NTRK3: variants seen among roughly 807,000 people sequenced by gnomAD.
The protein encoded by NTRK3 is neurotrophic receptor tyrosine kinase 3.
In NTRK3, 24 loss-of-function variants were observed where a neutral mutation model predicts 91.7. That is an observed-to-expected ratio of 0.26 (90% CI 0.19 to 0.37). The LOEUF (loss-of-function observed/expected upper bound fraction) is 0.37. Among genes scored for constraint, NTRK3 ranks in the 10% least tolerant of loss-of-function variants. NTRK3 has a pLI of 1.00. For missense variants in NTRK3, 880 were observed against 1,068.9 expected, an observed-to-expected ratio of 0.82 and a Z score of 2.46; for synonymous variants, 483 against 404.0, an observed-to-expected ratio of 1.20 and a Z score of -2.34.
chr15:88,074,471 C>T (rs1211299952), intron 13 of NTRK3, among the ~76,000 whole-genome samples: 2 of 152,236 alleles, frequency 1.3e-5, no homozygotes, highest in African/African-American at 4.8e-5. Context: ...GAGAGTGCAG[C>T]TCTAGACCAC....
At chr15:88,092,837 T>C (rs1273350911) in intron 13 of NTRK3, among the ~76,000 whole-genome samples, 1 of 152,176 alleles carries the variant, frequency 6.6e-6, no homozygotes, top group Non-Finnish European at 1.5e-5. Context: ...TCTCACTGCC[T>C]TCTCTGTGCA....
intron 3 of NTRK3, among the ~76,000 whole-genome samples, chr15:88,199,771 C>T (rs969099185): frequency 1.3e-5 from 2 of 152,232 alleles, no homozygotes; most frequent in African/African-American, 4.8e-5. Flanking sequence ...GCCCTCACCC[C>T]TGCAAGCATT....
In NTRK3 at chr15:87,962,846, C is replaced by T. The variant is rs184583921; in HGVS notation, c.1586-22093G>A. Among the ~76,000 whole-genome samples the T allele has an allele frequency of 3.9e-5, 6 of 152,292 alleles. No individual in the cohort carries two copies. In the East Asian group the frequency reaches 1.2e-3, roughly 29 times the overall value. On this transcript the variant is annotated intron_variant, in intron 14 of 18. Coordinates refer to ENST00000394480, the Ensembl canonical transcript of NTRK3. Reference sequence around the variant, plus strand: ...GTCATGGCATCACGCTTGGTTAACCCTCTGCAGGACATAGAGATTAGAGGC... The same window carrying T: ...GTCATGGCATCACGCTTGGTTAACCTTCTGCAGGACATAGAGATTAGAGGC...
At chr15:88,136,185 G>T in intron 8 of NTRK3, 145 bp from the exon 9 acceptor site, 2 of 1,089,180 alleles carry the variant, frequency 1.8e-6, no homozygotes, top group Non-Finnish European at 2.7e-6. Context: ...CTGGCCAAAT[G>T]CCAGGCTCCT....
chr15:88,093,031 T>C (rs553479425), intron 13 of NTRK3, among the ~76,000 whole-genome samples: 3 of 150,364 alleles, frequency 2.0e-5, no homozygotes, highest in Non-Finnish European at 4.4e-5. Flanking sequence ...TTTTTGTTTC[T>C]GGTTTTTTTT....
chr15:88,052,231 TCAAC>T (rs2080898352), intron 13 of NTRK3, among the ~76,000 whole-genome samples: 3 of 151,664 alleles, frequency 2.0e-5, no homozygotes, highest in African/African-American at 7.3e-5. Flanking sequence ...TAGCCTGCAC[TCAAC>T]ACAGGGATCC....
At chr15:88,002,128 G>A (rs1596621377) in intron 14 of NTRK3, among the ~76,000 whole-genome samples, 1 of 138,030 alleles carries the variant, frequency 7.2e-6, no homozygotes, top group East Asian at 2.3e-4. Flanking sequence ...TTGGCCAGGT[G>A]TATTGTAAAG....
intron 5 of NTRK3, among the ~76,000 whole-genome samples, chr15:88,162,048 C>T (rs751500418): frequency 7.9e-5 from 12 of 152,182 alleles, no homozygotes; most frequent in Non-Finnish European, 1.8e-4. Flanking sequence ...CAAGTGCTCA[C>T]TCCTGTAATA....
chr15:87,953,147 C>A (rs1261091595), intron 14 of NTRK3, among the ~76,000 whole-genome samples: 1 of 152,174 alleles, frequency 6.6e-6, no homozygotes, highest in African/African-American at 2.4e-5. Flanking sequence ...GTTTTCTGGC[C>A]TGTCTCCTGA....
chr15:88,193,515 C>A (rs2047574053), intron 3 of NTRK3, among the ~76,000 whole-genome samples: 1 of 152,150 alleles, frequency 6.6e-6, no homozygotes, highest in Non-Finnish European at 1.5e-5. Flanking sequence ...TCTTTTCCAC[C>A]TTTCCTGTCC....
At chr15:87,928,433 T>G (rs2068512879) in intron 17 of NTRK3, 1 of 151,846 alleles carries the variant, frequency 6.6e-6, no homozygotes, top group Admixed American at 6.6e-5. Context: ...TCAGAATCAG[T>G]CAATAATCCA....
intron 5 of NTRK3, among the ~76,000 whole-genome samples, chr15:88,176,388 G>C (rs1346339764): frequency 1.3e-5 from 2 of 152,100 alleles, no homozygotes; most frequent in Admixed American, 6.5e-5. Flanking sequence ...ACCTGTCTCG[G>C]CCTCCCAAAG....
intron 16 of NTRK3, among the ~76,000 whole-genome samples, chr15:87,929,682 T>TAC (rs904535195): frequency 7.2e-5 from 11 of 152,224 alleles, no homozygotes; most frequent in African/African-American, 2.7e-4. Context: ...GGAATAAACC[T>TAC]ACTCTTTTTA....
intron 13 of NTRK3, among the ~76,000 whole-genome samples, chr15:88,112,859 A>T (rs569287393): frequency 1.8e-4 from 28 of 152,206 alleles, no homozygotes; most frequent in African/African-American, 6.7e-4. Context: ...AAGACCCCAC[A>T]CCACTCACAA....
chr15:87,901,017 A>C (rs1376949985), intron 17 of NTRK3, among the ~76,000 whole-genome samples: 2 of 152,096 alleles, frequency 1.3e-5, no homozygotes, highest in African/African-American at 4.8e-5. Flanking sequence ...CTACTCTACA[A>C]CTGGGTCCTG....
intron 5 of NTRK3, among the ~76,000 whole-genome samples, chr15:88,159,294 G>A (rs866651689): frequency 6.6e-6 from 1 of 152,216 alleles, no homozygotes; most frequent in Non-Finnish European, 1.5e-5. Flanking sequence ...TTAGGCCAAC[G>A]CTGCATCCAA....
At chr15:88,179,649 AAG>A (rs2046293705) in intron 5 of NTRK3, among the ~76,000 whole-genome samples, 1 of 152,238 alleles carries the variant, frequency 6.6e-6, no homozygotes, top group African/African-American at 2.4e-5. Context: ...CATAAAGGGA[AAG>A]AGGGGCCAGC....
intron 14 of NTRK3, among the ~76,000 whole-genome samples, chr15:88,021,895 C>T (rs1392226109): frequency 6.6e-6 from 1 of 152,162 alleles, no homozygotes; most frequent in Non-Finnish European, 1.5e-5. Context: ...TAGAGACCAC[C>T]ATCAACTACC....
chr15:88,199,374 G>C (rs2048098791), intron 3 of NTRK3, among the ~76,000 whole-genome samples: 2 of 152,164 alleles, frequency 1.3e-5, no homozygotes, highest in African/African-American at 4.8e-5. Flanking sequence ...CCTTGGGGCA[G>C]GGACTATGTC....
Sources: gnomAD v4.1 joint callset for allele counts (sites outside exome capture counted in the v4.1 genomes callset) on GRCh38, gnomAD v4.1.1 for gene constraint, MANE v1.5 for transcripts, NCBI Gene and HGNC (gene_info 2026-07-23, HGNC 2026-07-21) for gene names.